Variants in UNC5D observed in about 807,000 individuals in gnomAD.
The protein encoded by UNC5D is unc-5 netrin receptor D.
A neutral mutation model predicts 105.4 loss-of-function variants in UNC5D; 39 were observed. That is an observed-to-expected ratio of 0.37 (90% CI 0.29 to 0.48). The LOEUF (loss-of-function observed/expected upper bound fraction) is 0.48, where lower values mean the gene tolerates loss of function less well. Among genes scored for constraint, UNC5D ranks in the 20% least tolerant of loss-of-function variants. The probability of loss-of-function intolerance (pLI) is 0.98; values close to 1 mark genes in which losing one functional copy is unlikely to be tolerated. For synonymous variants in UNC5D, 452 were observed against 450.4 expected, an observed-to-expected ratio of 1.00 and a Z score of -0.04; for missense variants, 991 against 1,202.4, an observed-to-expected ratio of 0.82 and a Z score of 2.60.
At chr8:35,301,656 A>G (rs983380236) in intron 1 of UNC5D, among the ~76,000 whole-genome samples, 4 of 152,094 alleles carry the variant, frequency 2.6e-5, no homozygotes, top group African/African-American at 7.2e-5. Context: ...AAACTATACT[A>G]CCAAATTACG....
intron 7 of UNC5D, among the ~76,000 whole-genome samples, chr8:35,697,324 C>T (rs1359745870): frequency 6.6e-6 from 1 of 150,622 alleles, no homozygotes; most frequent in Non-Finnish European, 1.5e-5. Context: ...ATGTCAGTGA[C>T]TTCAGATTAT....
intron 4 of UNC5D, among the ~76,000 whole-genome samples, chr8:35,682,474 G>A (rs753986263): frequency 5.3e-5 from 8 of 152,162 alleles, no homozygotes; most frequent in Non-Finnish European, 1.0e-4. Flanking sequence ...TTATGTGTCC[G>A]TTAAATTACT....
chr8:35,410,065 A>G (rs1245256689), intron 1 of UNC5D, among the ~76,000 whole-genome samples: 5 of 151,392 alleles, frequency 3.3e-5, no homozygotes, highest in African/African-American at 4.9e-5. Flanking sequence ...GAATTTTCCA[A>G]TCTACCACCA....
intron 4 of UNC5D, among the ~76,000 whole-genome samples, chr8:35,609,853 C>T (rs1413626830): frequency 6.6e-6 from 1 of 152,176 alleles, no homozygotes; most frequent in Non-Finnish European, 1.5e-5. Flanking sequence ...CCCAGTGTAT[C>T]AGCTGGCTTT....
intron 1 of UNC5D, among the ~76,000 whole-genome samples, chr8:35,448,561 G>T (rs923755151): frequency 2.0e-5 from 3 of 152,020 alleles, no homozygotes; most frequent in African/African-American, 7.2e-5. Flanking sequence ...ACCCTAATCT[G>T]CACCTCCCCA....
intron 4 of UNC5D, among the ~76,000 whole-genome samples, chr8:35,646,816 T>A (rs1381004961): frequency 1.3e-5 from 2 of 152,154 alleles, no homozygotes; most frequent in Admixed American, 6.5e-5. Context: ...TGAAAGAATT[T>A]TAAAAGAATA....
At chr8:35,533,638 C>A (rs959821666) in intron 1 of UNC5D, among the ~76,000 whole-genome samples, 1 of 152,222 alleles carries the variant, frequency 6.6e-6, no homozygotes, top group Non-Finnish European at 1.5e-5. Context: ...GGGCGCCCCT[C>A]CCCCAGCCTC....
intron 1 of UNC5D, among the ~76,000 whole-genome samples, chr8:35,241,341 T>C (rs1316274471): frequency 6.6e-6 from 1 of 152,226 alleles, no homozygotes; most frequent in Non-Finnish European, 1.5e-5. Context: ...GATTGTGTTA[T>C]CTGAAATCCA....
intron 16 of UNC5D, among the ~76,000 whole-genome samples, chr8:35,786,655 C>A (rs1474835811): frequency 6.6e-6 from 1 of 151,942 alleles, no homozygotes. Flanking sequence ...CAAACATTTA[C>A]CTAGGATAAA....
At chr8:35,669,157 CTT>C (rs1230899587) in intron 4 of UNC5D, among the ~76,000 whole-genome samples, 3 of 152,144 alleles carry the variant, frequency 2.0e-5, no homozygotes, top group African/African-American at 7.2e-5. Context: ...GAGCTCATGA[CTT>C]ATCTGTGTTG....
intron 4 of UNC5D, among the ~76,000 whole-genome samples, chr8:35,627,983 G>T (rs1821792777): frequency 6.6e-6 from 1 of 151,994 alleles, no homozygotes; most frequent in African/African-American, 2.4e-5. Context: ...GATTTTTTTT[G>T]ATTGGGGGTG....
Position 35,449,238 on chromosome 8 carries a change from G to A in UNC5D, c.104-100054G>A, listed in dbSNP as rs1056636092. On this transcript the variant is annotated intron_variant, in intron 1 of 16. Transcript: ENST00000404895. ...ACTCAAAAAGCTTTCTACTTTCTAG[G>A]TTGGTGCCTACTGAGTTGAACTGCT... 2.0e-5 allele frequency among the ~76,000 whole-genome samples: 3 copies of A among 152,078 alleles called. No individual in the cohort carries two copies. In the East Asian group the frequency reaches 5.8e-4, roughly 29 times the overall value.
intron 1 of UNC5D, among the ~76,000 whole-genome samples, chr8:35,306,716 C>A (rs1275846437): frequency 1.3e-5 from 2 of 152,088 alleles, no homozygotes; most frequent in African/African-American, 4.8e-5. Flanking sequence ...CATGAATTGT[C>A]TCCAAAATTT....
At chr8:35,579,908 C>T (rs1818361048) in intron 3 of UNC5D, among the ~76,000 whole-genome samples, 1 of 152,146 alleles carries the variant, frequency 6.6e-6, no homozygotes, top group Non-Finnish European at 1.5e-5. Context: ...GGAAGCTTTG[C>T]ACCAATCTTT....
At position 35,793,138 on chromosome 8, in the gene UNC5D, T is replaced by A. The variant is rs181388835; in HGVS notation, c.*2575T>A. 643 of 455,776 alleles carry A rather than the reference T, an allele frequency of 1.4e-3. No homozygotes were observed. The highest frequency in any genetic ancestry group is 2.3e-3 in the Non-Finnish European group (518 of 226,664). 28.2% of individuals were successfully genotyped at this position (455,776 alleles called of 1,614,324 possible). The stretch of plus-strand genomic sequence containing the variant: ...TTATGTTTCTTTTACTTATTGCTGC[T>A]AGGATCCTACATAGGATTTCTATAG... On this transcript the variant is annotated 3_prime_UTR_variant, in exon 17 of 17. Transcript: ENST00000404895.
At chr8:35,585,174 A>C (rs570205154) in intron 3 of UNC5D, among the ~76,000 whole-genome samples, 1 of 152,316 alleles carries the variant, frequency 6.6e-6, no homozygotes, top group East Asian at 1.9e-4. Context: ...TGCTAGTTAT[A>C]AAATGCTTTA....
intron 4 of UNC5D, among the ~76,000 whole-genome samples, chr8:35,645,814 G>A (rs1026137610): frequency 1.3e-5 from 2 of 152,000 alleles, no homozygotes; most frequent in Non-Finnish European, 2.9e-5. Flanking sequence ...AGGTCCAGAT[G>A]GATGAGACAT....
At chr8:35,404,564 C>T (rs1585764205) in intron 1 of UNC5D, among the ~76,000 whole-genome samples, 1 of 152,090 alleles carries the variant, frequency 6.6e-6, no homozygotes, top group Non-Finnish European at 1.5e-5. Context: ...AAATTAGAAT[C>T]TCCACTTCAA....
At chr8:35,355,026 G>A (rs1016521285) in intron 1 of UNC5D, among the ~76,000 whole-genome samples, 23 of 152,138 alleles carry the variant, frequency 1.5e-4, no homozygotes, top group Non-Finnish European at 2.9e-4. Context: ...ACAGGAAAAT[G>A]AGAACTGCCA....
Sources: allele counts gnomAD v4.1 joint callset (sites outside exome capture counted in the v4.1 genomes callset), GRCh38; gene constraint gnomAD v4.1.1; transcripts MANE v1.5; gene names NCBI Gene and HGNC (gene_info 2026-07-23, HGNC 2026-07-21).